The following ASTN2 variants were observed in gnomAD, a reference collection of about 807,000 sequenced individuals.
The protein encoded by ASTN2 is astrotactin 2.
In ASTN2, 54 loss-of-function variants were observed where a neutral mutation model predicts 139.8. That is an observed-to-expected ratio of 0.39 (90% confidence interval 0.31 to 0.48). The LOEUF is 0.48. ASTN2 is among the 20% of genes least tolerant of loss of function. ASTN2 has a pLI of 0.95. For synonymous variants in ASTN2, 756 were observed against 719.5 expected (o/e 1.05, Z -0.81); for missense variants, 1,565 against 1,725.1 (o/e 0.91, Z 1.64).
At position 116,618,335 on chromosome 9, in the gene ASTN2, T is replaced by A; in HGVS notation, c.3344A>T (p.Asp1115Val). ...ACTCATGTACCTACCTGTGTACAGG[T>A]CAGTGTCTGTGTATTCATCCACTTT... ...HKKVDEYTDT[D>V]LYTGEFLSFA... The change falls in exon 19 of 23, where the codon GAC (aspartate) becomes GTC (valine). Residue 1115 changes from aspartate to valine, a missense_variant. Physicochemically the swap from Asp to Val is radical, Grantham distance 152. Around this residue, in one of 4 missense-constraint regions of ASTN2, gnomAD observed 418 missense variants for 465.8 expected, o/e 0.90. Coordinates refer to ENST00000313400, the MANE Select transcript of ASTN2 (RefSeq NM_001365068.1). 6.2e-7 allele frequency: 1 copy of A among 1,614,014 alleles called. No individual in the cohort carries two copies. Among genetic ancestry groups the A allele is most frequent in the Non-Finnish European group, 8.5e-7 (1 of 1,179,930 alleles).
At chr9:117,343,260 C>A (rs962926430) in intron 1 of ASTN2, among the ~76,000 whole-genome samples, 1 of 152,160 alleles carries the variant, frequency 6.6e-6, no homozygotes, top group Non-Finnish European at 1.5e-5. Flanking sequence ...TGTCTGAAGT[C>A]AAATCTCCCT....
intron 16 of ASTN2, among the ~76,000 whole-genome samples, chr9:116,655,826 G>A (rs916950575): frequency 6.6e-6 from 1 of 151,886 alleles, no homozygotes; most frequent in Non-Finnish European, 1.5e-5. Context: ...AAGTAGCTGG[G>A]ACCACAGACA....
intron 7 of ASTN2, among the ~76,000 whole-genome samples, chr9:116,990,809 G>T (rs936582219): frequency 6.6e-6 from 1 of 152,166 alleles, no homozygotes; most frequent in African/African-American, 2.4e-5. Flanking sequence ...TTAAAATTAA[G>T]CAACGTGTGT....
At position 116,839,887 on chromosome 9, in the gene ASTN2, T is replaced by TA. The variant is rs1564297225; in HGVS notation, c.2041-19105_2041-19104insT. 1.8e-3 allele frequency among the ~76,000 whole-genome samples: 165 copies of TA among 91,442 alleles called. No individual in the cohort carries two copies. The East Asian group carries it at 0.024, about 13-fold the overall frequency. 60.0% of individuals were successfully genotyped at this position (91,442 alleles called of 152,430 possible). A position where few individuals can be genotyped will look rare whatever the true frequency, so the allele number is the denominator to read the frequency against. Reference sequence around the variant, plus strand: ...TATTATTATTATTATTATTATTTTTTTTTTTTTAATTGATCATTCTTGGGT... The same window carrying TA: ...TATTATTATTATTATTATTATTTTTTATTTTTTTAATTGATCATTCTTGGGT... On this transcript the variant is annotated intron_variant, in intron 11 of 22. Coordinates refer to ENST00000313400, the MANE Select transcript of ASTN2 (RefSeq NM_001365068.1).
At chr9:116,585,811 G>T (rs1248440683) in intron 19 of ASTN2, 2 of 152,096 alleles carry the variant, frequency 1.3e-5, no homozygotes, top group Admixed American at 6.6e-5. Flanking sequence ...AACAAAAATT[G>T]ACAGTGGGAT....
chr9:117,277,370 T>C (rs1052014139), intron 2 of ASTN2: 1 of 152,220 alleles, frequency 6.6e-6, no homozygotes, highest in Admixed American at 6.5e-5. Flanking sequence ...GTAGTGGTAG[T>C]AAATTTATTC....
intron 5 of ASTN2, among the ~76,000 whole-genome samples, chr9:117,071,750 C>A (rs373762031): frequency 6.7e-6 from 1 of 150,080 alleles, no homozygotes; most frequent in African/African-American, 2.5e-5. Context: ...AAGCGCAATA[C>A]TCGGGTGGGA....
chr9:116,982,148 G>C (rs1334817056), intron 7 of ASTN2, among the ~76,000 whole-genome samples: 1 of 152,214 alleles, frequency 6.6e-6, no homozygotes, highest in Non-Finnish European at 1.5e-5. Context: ...CAGTAGGCTG[G>C]TGAAATAGTT....
intron 7 of ASTN2, among the ~76,000 whole-genome samples, chr9:116,980,224 C>G (rs1461791809): frequency 6.6e-6 from 1 of 151,950 alleles, no homozygotes; most frequent in East Asian, 1.9e-4. Flanking sequence ...TGTCCATCTC[C>G]TAGAGCTGAT....
At chr9:116,968,728 G>A (rs1405332348) in intron 10 of ASTN2, among the ~76,000 whole-genome samples, 4 of 150,598 alleles carry the variant, frequency 2.7e-5, no homozygotes, top group African/African-American at 4.8e-5. Flanking sequence ...GTGAAACCCC[G>A]TCTCTACTAA....
At chr9:117,340,005 T>A (rs1587962378) in intron 1 of ASTN2, among the ~76,000 whole-genome samples, 1 of 149,868 alleles carries the variant, frequency 6.7e-6, no homozygotes, top group Non-Finnish European at 1.5e-5. Flanking sequence ...TGGCCCAGAG[T>A]GTGGCCTTAG....
At chr9:116,496,521 G>C (rs984900951) in intron 19 of ASTN2, among the ~76,000 whole-genome samples, 16 of 152,142 alleles carry the variant, frequency 1.1e-4, no homozygotes, top group African/African-American at 3.9e-4. Flanking sequence ...TACTGTACAT[G>C]ATGGGACCTA....
intron 16 of ASTN2, among the ~76,000 whole-genome samples, chr9:116,675,324 G>C (rs1001629059): frequency 2.6e-5 from 4 of 152,150 alleles, no homozygotes; most frequent in African/African-American, 9.7e-5. Flanking sequence ...GACTATCCTA[G>C]GTGCTTCCAA....
At chr9:116,437,225 A>G in intron 22 of ASTN2, 1 of 444,928 alleles carries the variant, frequency 2.2e-6, no homozygotes, top group South Asian at 1.7e-5. Context: ...CCACTGTTCT[A>G]GTTCGTCCTT....
chr9:116,616,821 C>A (rs1490708291), intron 19 of ASTN2, among the ~76,000 whole-genome samples: 3 of 151,410 alleles, frequency 2.0e-5, no homozygotes, highest in Non-Finnish European at 4.4e-5. Context: ...CACACCCACC[C>A]ATTCACAGAC....
intron 19 of ASTN2, among the ~76,000 whole-genome samples, chr9:116,503,581 G>C (rs1222840042): frequency 6.6e-6 from 1 of 152,116 alleles, no homozygotes. Flanking sequence ...CACTGAATGA[G>C]TAAACATGTT....
At chr9:116,462,970 C>T (rs1233103320) in intron 20 of ASTN2, among the ~76,000 whole-genome samples, 3 of 152,158 alleles carry the variant, frequency 2.0e-5, no homozygotes, top group Admixed American at 1.3e-4. Flanking sequence ...TCCCCCAAAA[C>T]TGTTCTTCCT....
intron 10 of ASTN2, among the ~76,000 whole-genome samples, chr9:116,889,104 G>A (rs768565603): frequency 2.0e-4 from 31 of 152,092 alleles, no homozygotes; most frequent in Non-Finnish European, 4.0e-4. Context: ...GGCTGGTCTT[G>A]AACTCCTGGC....
At chr9:116,749,621 G>A (rs1324150222) in intron 13 of ASTN2, among the ~76,000 whole-genome samples, 2 of 152,096 alleles carry the variant, frequency 1.3e-5, no homozygotes, top group African/African-American at 2.4e-5. Flanking sequence ...TACTTTTGGG[G>A]GGCAGGAACT....
Sources: allele counts gnomAD v4.1 joint callset (sites outside exome capture counted in the v4.1 genomes callset), GRCh38; gene constraint gnomAD v4.1.1; regional missense constraint gnomAD v4.1.1; transcripts MANE v1.5; gene names NCBI Gene and HGNC (gene_info 2026-07-23, HGNC 2026-07-21).